The following JAKMIP3 variants were observed in gnomAD, a reference collection of about 807,000 sequenced individuals.
JAKMIP3 encodes Janus kinase and microtubule interacting protein 3, also known as janus kinase and microtubule-interacting protein 3.
Under a neutral mutation model 118.5 loss-of-function variants are expected in JAKMIP3, and 58 were observed. That is an observed-to-expected ratio of 0.49 (90% CI 0.40 to 0.61). JAKMIP3 has a LOEUF of 0.61. JAKMIP3 is among the 20% of genes least tolerant of loss of function. The pLI, the probability that JAKMIP3 is intolerant of heterozygous loss-of-function variation, is 0.00. For synonymous variants in JAKMIP3, 486 were observed against 451.2 expected, an observed-to-expected ratio of 1.08 and a Z score of -0.98; for missense variants, 950 against 1,109.0, an observed-to-expected ratio of 0.86 and a Z score of 2.04.
At chr10:132,123,747 A>G (rs1319793929) in intron 3 of JAKMIP3, among the ~76,000 whole-genome samples, 1 of 152,208 alleles carries the variant, frequency 6.6e-6, no homozygotes, top group African/African-American at 2.4e-5. Flanking sequence ...CCTGGCTCCC[A>G]CATGATGCTT....
chr10:132,061,271 G>GCACA (rs1341707506), upstream of JAKMIP3, among the ~76,000 whole-genome samples: 1 of 136,716 alleles, frequency 7.3e-6, no homozygotes, highest in Admixed American at 7.4e-5. Context: ...GTGATGGCGC[G>GCACA]CACACACACC....
chr10:132,123,728 C>T (rs551194339), intron 3 of JAKMIP3, among the ~76,000 whole-genome samples: 4 of 152,220 alleles, frequency 2.6e-5, no homozygotes, highest in Non-Finnish European at 5.9e-5. Flanking sequence ...GCTTCCTTTG[C>T]ACCCCAAGCC....
chr10:132,107,296 G>T (rs2046063365), intron 2 of JAKMIP3, among the ~76,000 whole-genome samples: 1 of 152,142 alleles, frequency 6.6e-6, no homozygotes, highest in Non-Finnish European at 1.5e-5. Flanking sequence ...GATTTTTTGT[G>T]CAGTTTTGCC....
upstream of JAKMIP3, among the ~76,000 whole-genome samples, chr10:132,036,471 G>A (rs1589992477): frequency 6.6e-6 from 1 of 152,078 alleles, no homozygotes; most frequent in Non-Finnish European, 1.5e-5. Context: ...CGCGGCCCCC[G>A]GGCTATTTTC....
intron 1 of JAKMIP3, among the ~76,000 whole-genome samples, chr10:132,097,974 T>A (rs1375704239): frequency 3.3e-5 from 1 of 30,020 alleles, no homozygotes; most frequent in Non-Finnish European, 6.8e-5. Flanking sequence ...TCCTTCCTTT[T>A]CTCCCCTTCC....
At chr10:132,061,110 G>C (rs574865141), upstream of JAKMIP3, among the ~76,000 whole-genome samples, 2 of 152,348 alleles carry the variant, frequency 1.3e-5, no homozygotes, top group South Asian at 4.1e-4. Context: ...TAAATATGAA[G>C]TGAGTAACAG....
At chr10:132,137,329 C>T in intron 8 of JAKMIP3, 40 bp downstream of exon 8, 5 of 1,612,722 alleles carry the variant, frequency 3.1e-6, no homozygotes, top group South Asian at 2.2e-5. Flanking sequence ...GCCTCCGCTC[C>T]CCACGCAGTT....
intron 3 of JAKMIP3, among the ~76,000 whole-genome samples, chr10:132,132,351 T>A (rs1278639097): frequency 6.6e-6 from 1 of 152,136 alleles, no homozygotes; most frequent in African/African-American, 2.4e-5. Flanking sequence ...TTTTCATAAA[T>A]CTAGTGCCGT....
chr10:132,126,107 G>T (rs574479513), intron 3 of JAKMIP3, among the ~76,000 whole-genome samples: 1 of 152,142 alleles, frequency 6.6e-6, no homozygotes, highest in Non-Finnish European at 1.5e-5. Context: ...CATACCTTTT[G>T]TTTTCTCCTT....
intron 3 of JAKMIP3, among the ~76,000 whole-genome samples, chr10:132,119,699 T>C (rs1378326658): frequency 6.6e-6 from 1 of 152,216 alleles, no homozygotes; most frequent in Non-Finnish European, 1.5e-5. Flanking sequence ...GAATTCCATA[T>C]ACATTTCAGA....
intron 1 of JAKMIP3, among the ~76,000 whole-genome samples, chr10:132,097,921 TTTCCTTC>T (rs2044173314): frequency 5.0e-5 from 1 of 20,018 alleles, no homozygotes; most frequent in African/African-American, 1.2e-4. Flanking sequence ...CCCCTTCCCC[TTTCCTTC>T]CCCTTCCCCT....
rs146017132 is a variant in JAKMIP3 at position 132,150,017 on chromosome 10, C to A, written c.1983C>A (p.Asp661Glu). Residue 661 changes from aspartate (D) to glutamate (E), a missense_variant, in exon 16 of 24, where the codon GAC (aspartate) becomes GAA (glutamate). Coordinates refer to ENST00000684848, the MANE Select transcript of JAKMIP3 (RefSeq NM_001323087.2). ...IVVAELMKKL[D>E]ILGDNAVSNL... Reference sequence around the variant, plus strand: ...TTGCGGAGCTGATGAAGAAGCTGGACATCCTGGGCGATAACGCCGTAAGTG... The same window carrying A: ...TTGCGGAGCTGATGAAGAAGCTGGAAATCCTGGGCGATAACGCCGTAAGTG... 1.3e-5 allele frequency: 21 copies of A among 1,593,116 alleles called. No homozygotes were observed. Among genetic ancestry groups the A allele is most frequent in the Non-Finnish European group, 1.7e-5 (20 of 1,173,118 alleles).
chr10:132,147,899 C>A, intron 13 of JAKMIP3, 53 bp from the exon 14 acceptor site: 3 of 1,344,830 alleles, frequency 2.2e-6, no homozygotes, highest in South Asian at 1.3e-5. Flanking sequence ...CCTCCCAAGA[C>A]CTCTGGTGAG....
chr10:132,100,988 A>G (rs1395454048), intron 1 of JAKMIP3, among the ~76,000 whole-genome samples: 1 of 152,082 alleles, frequency 6.6e-6, no homozygotes, highest in Non-Finnish European at 1.5e-5. Flanking sequence ...AATAAACTCA[A>G]TATAGTTACC....
chr10:132,078,542 A>C (rs549796991), intron 1 of JAKMIP3, among the ~76,000 whole-genome samples: 2 of 150,104 alleles, frequency 1.3e-5, no homozygotes, highest in Non-Finnish European at 3.0e-5. Flanking sequence ...TTTCTCCTCA[A>C]GTCAGCAGCC....
At chr10:132,130,977 G>A (rs1050925164) in intron 3 of JAKMIP3, among the ~76,000 whole-genome samples, 17 of 151,834 alleles carry the variant, frequency 1.1e-4, no homozygotes, top group African/African-American at 3.6e-4. Context: ...GACACTGTGC[G>A]GGGCATGCTT....
At chr10:132,113,428 A>C (rs2047164046) in intron 2 of JAKMIP3, among the ~76,000 whole-genome samples, 1 of 152,244 alleles carries the variant, frequency 6.6e-6, no homozygotes, top group Admixed American at 6.5e-5. Flanking sequence ...TCCAGCAGAT[A>C]CACAGGGTGT....
At position 132,135,126 on chromosome 10, in the gene JAKMIP3, G is replaced by A. The variant is rs202023395; in HGVS notation, c.935G>A (p.Arg312His). The change falls in exon 5 of 24, where the codon CGC (arginine) becomes CAC (histidine). Residue 312 changes from arginine to histidine, a missense_variant. Transcript: ENST00000684848. ...GCGATTATCCGCAAACTGGAGGACCGCAATGCATTGCTGTCGGAAGAGAGG... is the reference window on the plus strand; with the variant it reads ...GCGATTATCCGCAAACTGGAGGACCACAATGCATTGCTGTCGGAAGAGAGG... ...LSAIIRKLED[R>H]NALLSEERNE... 5.6e-6 allele frequency: 9 copies of A among 1,612,646 alleles called. No individual in the cohort carries two copies. The highest frequency in any genetic ancestry group is 1.7e-5 in the Admixed American group (1 of 60,014).
At chr10:132,125,403 G>T (rs1316430287) in intron 3 of JAKMIP3, among the ~76,000 whole-genome samples, 2 of 152,268 alleles carry the variant, frequency 1.3e-5, no homozygotes, top group Non-Finnish European at 2.9e-5. Flanking sequence ...TCTCTTTCCA[G>T]GCCCCGTTAC....
Sources: allele counts gnomAD v4.1 joint callset (sites outside exome capture counted in the v4.1 genomes callset), GRCh38; gene constraint gnomAD v4.1.1; transcripts MANE v1.5; gene names NCBI Gene and HGNC (gene_info 2026-07-23, HGNC 2026-07-21).